SYT7: variants seen among roughly 807,000 people sequenced by gnomAD.
SYT7 encodes the protein synaptotagmin 7, also known as synaptotagmin-7.
In SYT7, 29 loss-of-function variants were observed where a neutral mutation model predicts 75.1. The observed-to-expected ratio is 0.39, with a 90% confidence interval of 0.29 to 0.53. SYT7 has a LOEUF of 0.53. SYT7 is among the 20% of genes least tolerant of loss of function. The pLI is 0.77. For missense variants in SYT7, 693 were observed against 953.2 expected (o/e 0.73, Z 3.59); for synonymous variants, 376 against 401.7 (o/e 0.94, Z 0.76).
intron 1 of SYT7, among the ~76,000 whole-genome samples, chr11:61,562,660 C>T (rs1455817275): frequency 6.6e-6 from 1 of 152,136 alleles, no homozygotes; most frequent in African/African-American, 2.4e-5. Flanking sequence ...TTGTGCACCC[C>T]TGAACCCTCC....
chr11:61,540,065 T>C (rs1298001575), intron 6 of SYT7: 2 of 152,212 alleles, frequency 1.3e-5, no homozygotes, highest in African/African-American at 4.8e-5. Flanking sequence ...ATTTTTCAGA[T>C]ATTCCTTTTT....
At chr11:61,557,134 A>G (rs1050516358) in intron 1 of SYT7, among the ~76,000 whole-genome samples, 3 of 152,090 alleles carry the variant, frequency 2.0e-5, no homozygotes, top group African/African-American at 4.8e-5. Flanking sequence ...CTCATGGGTG[A>G]TTGTAAACAT....
In SYT7 at chr11:61,546,236, C is replaced by A; in HGVS notation, c.367G>T (p.Ala123Ser). The change falls in exon 5 of 13, where the codon GCC becomes TCC. Residue 123 changes from alanine to serine, a missense_variant. Ala to Ser is a moderately conservative substitution (Grantham distance 99). Around this residue, in one of 2 missense-constraint regions of SYT7, gnomAD observed 487 missense variants for 593.2 expected, o/e 0.82. Coordinates refer to ENST00000539008, the MANE Select transcript of SYT7 (RefSeq NM_001365809.2). This position sits in a 1 kb window ranked among gnomAD's most constrained non-coding sequence, Gnocchi z 7.6. Reference protein sequence around the residue: ...LSLNGTLLSGAKVAAAAGLAV... With the variant: ...LSLNGTLLSGSKVAAAAGLAV... ...AGCCCCGCCGCGGCGGCCACTTTGG[C>A]GCCCGACAGGAGGGTGCCACTGGAG... is the stretch of plus-strand genomic sequence containing the variant. 6.9e-7 allele frequency: 1 copy of A among 1,453,306 alleles called. No individual in the cohort carries two copies. Among genetic ancestry groups the A allele is most frequent in the Non-Finnish European group, 9.0e-7 (1 of 1,113,556 alleles). The allele number at this position is 1,453,306 out of a possible 1,614,324, so 90.0% of individuals were successfully genotyped here. A position where few individuals can be genotyped will look rare whatever the true frequency, so the allele number is the denominator to read the frequency against.
intron 1 of SYT7, among the ~76,000 whole-genome samples, chr11:61,563,827 C>G (rs1347288566): frequency 6.6e-6 from 1 of 152,224 alleles, no homozygotes; most frequent in Non-Finnish European, 1.5e-5. Context: ...ATAATTAGCT[C>G]TTTCTGTGTC....
intron 1 of SYT7, among the ~76,000 whole-genome samples, chr11:61,564,736 A>C (rs2063722693): frequency 6.6e-6 from 1 of 152,198 alleles, no homozygotes; most frequent in Non-Finnish European, 1.5e-5. Context: ...CCCTCCCAAG[A>C]ATTTTACCAG....
At chr11:61,533,757 T>A in intron 7 of SYT7, 1 of 801,034 alleles carries the variant, frequency 1.2e-6, no homozygotes, top group Non-Finnish European at 1.5e-6. Context: ...CACTTGAGCA[T>A]TTGCAATGTG....
intron 12 of SYT7, among the ~76,000 whole-genome samples, chr11:61,520,327 C>CAGAT (rs769086963): frequency 1.3e-4 from 19 of 151,800 alleles, no homozygotes; most frequent in Admixed American, 3.9e-4. Context: ...AGTTTGAGAC[C>CAGAT]AGATTGGGTA....
rs2064083572 is a variant in SYT7, at chr11:61,576,530, C to T, written c.31+4260G>A. Among the ~76,000 whole-genome samples, 1 of 152,222 alleles carries T rather than the reference C, an allele frequency of 6.6e-6. No homozygotes were observed. Among genetic ancestry groups the T allele is most frequent in the South Asian group, 2.1e-4 (1 of 4,836 alleles). On this transcript the variant is annotated intron_variant, in intron 1 of 12. Coordinates refer to ENST00000539008, the MANE Select transcript of SYT7 (RefSeq NM_001365809.2). This position sits in a 1 kb window ranked among gnomAD's most constrained non-coding sequence, Gnocchi z 4.1. ...TGAGGAGCCATCAAGCCAACTCATT[C>T]TCCAGCTGGGGGTCATCAGCTCCGG...
At chr11:61,531,534 T>TG in intron 8 of SYT7, among the ~76,000 whole-genome samples, 1 of 141,482 alleles carries the variant, frequency 7.1e-6, no homozygotes, top group Admixed American at 7.3e-5. Context: ...AGGGGAGAGG[T>TG]GGGGAGGCCC....
chr11:61,556,204 G>C lies in SYT7; in HGVS notation c.35C>G (p.Ala12Gly). 2 of 1,612,464 alleles carry C rather than the reference G, an allele frequency of 1.2e-6. No homozygotes were observed. Among genetic ancestry groups the C allele is most frequent in the Non-Finnish European group, 1.7e-6 (2 of 1,179,432 alleles). Residue 12 changes from alanine to glycine, a missense_variant, in exon 2 of 13, where the codon GCG (alanine) becomes GGG (glycine). Ala to Gly is a moderately conservative substitution (Grantham distance 60). Transcript: ENST00000539008. ...YRDPEAASPG[A>G]PSRDVLLVSA... Reference sequence around the variant, plus strand: ...GACCAGCAGGACGTCGCGCGAGGGCGCCCCTGGGGAGGACAGGTACAGGTC... The same window carrying C: ...GACCAGCAGGACGTCGCGCGAGGGCCCCCCTGGGGAGGACAGGTACAGGTC...
At chr11:61,518,806 C>T (rs2062219445) in intron 12 of SYT7, 75 bp from the exon 13 acceptor site, 20 of 1,069,776 alleles carry the variant, frequency 1.9e-5, no homozygotes, top group South Asian at 9.1e-5. Context: ...GGGGTGACAC[C>T]CCAACTCCAC....
At chr11:61,582,177 G>A (rs932563814), upstream of SYT7, among the ~76,000 whole-genome samples, 8 of 151,312 alleles carry the variant, frequency 5.3e-5, no homozygotes, top group Non-Finnish European at 1.0e-4. Flanking sequence ...ATACACTGAC[G>A]CTCCCCACAA....
At chr11:61,538,350 A>AGAGG (rs1555006895) in intron 6 of SYT7, 84 bp from the exon 7 acceptor site, 31 of 571,306 alleles carry the variant, frequency 5.4e-5, no homozygotes, top group African/African-American at 3.0e-4. Context: ...AGAGAGGGAG[A>AGAGG]GAGAGAGAGA....
At chr11:61,560,366 T>C (rs76858238) in intron 1 of SYT7, among the ~76,000 whole-genome samples, 20,716 of 152,120 alleles carry the variant, frequency 0.14, 3,644 homozygotes, top group African/African-American at 0.41. Context: ...GCACTGTTCC[T>C]GTCTGTGTTC....
Position 61,516,504 on chromosome 11 carries a change from C to G in SYT7, c.*2123G>C, listed in dbSNP as rs1452705431. 1 of 152,008 alleles carries G rather than the reference C, an allele frequency of 6.6e-6. No individual in the cohort carries two copies. The highest frequency in any genetic ancestry group is 3.4e-3 in the Middle Eastern group (1 of 292). 9.4% of individuals were successfully genotyped at this position (152,008 alleles called of 1,614,324 possible). A position where few individuals can be genotyped will look rare whatever the true frequency, so the allele number is the denominator to read the frequency against. ...GGGGCTGGCTCACTGGGCGGTCTTC[C>G]GCGGGGCAGGCGGGTGGTGGGGGGA... On this transcript the variant is annotated 3_prime_UTR_variant, in exon 13 of 13. Coordinates refer to ENST00000539008, the MANE Select transcript of SYT7 (RefSeq NM_001365809.2). The surrounding 1 kb of genome is among the most constrained non-coding windows in gnomAD (Gnocchi z 4.6).
At chr11:61,550,357 T>C (rs188226388) in intron 3 of SYT7, among the ~76,000 whole-genome samples, 1 of 141,832 alleles carries the variant, frequency 7.1e-6, no homozygotes, top group African/African-American at 2.7e-5. Context: ...GAAGAGAAGG[T>C]GGAGAAATAG....
In SYT7 at chr11:61,517,800, A is replaced by T; in HGVS notation, c.*827T>A. The T allele has an allele frequency of 2.8e-6, 1 of 358,022 alleles. No homozygotes were observed. Among genetic ancestry groups the T allele is most frequent in the Non-Finnish European group, 5.0e-6 (1 of 201,328 alleles). The allele number at this position is 358,022 out of a possible 1,614,324, so 22.2% of individuals were successfully genotyped here. On this transcript the variant is annotated 3_prime_UTR_variant, in exon 13 of 13. Coordinates refer to ENST00000539008, the MANE Select transcript of SYT7 (RefSeq NM_001365809.2). ...CAAGAGATGAAATTGCTGAGGAGGG[A>T]ACTACTTCAGATTCTGAGCAGAGGG...
At chr11:61,535,749 C>G (rs939930764) in intron 7 of SYT7, among the ~76,000 whole-genome samples, 5 of 152,222 alleles carry the variant, frequency 3.3e-5, no homozygotes, top group African/African-American at 1.2e-4. Context: ...GAGCCTGCTG[C>G]TCACAGACCA....
In SYT7 at chr11:61,523,094, C is replaced by T. The variant is rs369608952; in HGVS notation, c.1937G>A (p.Arg646His). Residue 646 changes from arginine (R) to histidine (H), a missense_variant, in exon 12 of 13, where the codon CGC becomes CAC. Physicochemically the swap from Arg to His is conservative, Grantham distance 29. Around this residue, in one of 2 missense-constraint regions of SYT7, gnomAD observed 206 missense variants for 360.0 expected, o/e 0.57. Coordinates refer to ENST00000539008, the MANE Select transcript of SYT7 (RefSeq NM_001365809.2). The surrounding 1 kb of genome is among the most constrained non-coding windows in gnomAD (Gnocchi z 5.0). ...CCCTACCTTGCCGATGACGTCATTGCGGCTGAGCTTGTCCTTGTCCATGAC... is the reference window on the plus strand; with the variant it reads ...CCCTACCTTGCCGATGACGTCATTGTGGCTGAGCTTGTCCTTGTCCATGAC... ...ITVMDKDKLS[R>H]NDVIGKIYLS... 1.9e-6 allele frequency: 3 copies of T among 1,614,052 alleles called. No homozygotes were observed. The highest frequency in any genetic ancestry group is 1.1e-5 in the South Asian group (1 of 91,074).
Sources: allele counts gnomAD v4.1 joint callset (sites outside exome capture counted in the v4.1 genomes callset), GRCh38; gene constraint gnomAD v4.1.1; regional missense constraint gnomAD v4.1.1; non-coding constraint Gnocchi (gnomAD v3.1); transcripts MANE v1.5; gene names NCBI Gene and HGNC (gene_info 2026-07-23, HGNC 2026-07-21).